Variants in MYO1B observed in about 807,000 individuals in gnomAD.
MYO1B encodes the protein myosin IB.
A neutral mutation model predicts 159.7 loss-of-function variants in MYO1B; 72 were observed. The ratio of observed to expected loss-of-function variants is 0.45; its 90% CI spans 0.37 to 0.55. The LOEUF (loss-of-function observed/expected upper bound fraction) is 0.55, where lower values mean the gene tolerates loss of function less well. Among genes scored for constraint, MYO1B ranks in the 20% least tolerant of loss-of-function variants. The pLI is 0.00. For missense variants in MYO1B, 1,062 were observed against 1,364.8 expected (o/e 0.78, Z 3.50); for synonymous variants, 468 against 473.8 (o/e 0.99, Z 0.16).
In MYO1B at chr2:191,301,051, C is replaced by T. The variant is rs73981551; in HGVS notation, c.251+4825C>T. Reference sequence around the variant, plus strand: ...ACTCCTCAGCTGGACTCCTCCTCTGCGGCTCCTTTCCTTCTCTGAACTGTC... The same window carrying T: ...ACTCCTCAGCTGGACTCCTCCTCTGTGGCTCCTTTCCTTCTCTGAACTGTC... On this transcript the variant is annotated intron_variant, in intron 3 of 30. Transcript: ENST00000392318. Among the ~76,000 whole-genome samples, 757 of 152,182 alleles carry T rather than the reference C, an allele frequency of 5.0e-3. 9 individuals carry two copies. The highest frequency in any genetic ancestry group is 0.017 in the African/African-American group (712 of 41,510).
intron 24 of MYO1B, among the ~76,000 whole-genome samples, chr2:191,405,345 A>C (rs1696854820): frequency 6.6e-6 from 1 of 152,204 alleles, no homozygotes; most frequent in Non-Finnish European, 1.5e-5. Context: ...GCCCCCTCCA[A>C]GTCATCCATG....
chr2:191,289,380 G>C (rs930064321), intron 2 of MYO1B, among the ~76,000 whole-genome samples: 2 of 152,122 alleles, frequency 1.3e-5, no homozygotes, highest in Admixed American at 1.3e-4. Context: ...TAATGTGGTC[G>C]TATCACTTAA....
At chr2:191,409,537 C>G (rs1307582194) in intron 26 of MYO1B, among the ~76,000 whole-genome samples, 1 of 152,224 alleles carries the variant, frequency 6.6e-6, no homozygotes, top group African/African-American at 2.4e-5. Flanking sequence ...TGGACACCTT[C>G]AGGCAACATA....
chr2:191,388,294 G>T (rs1695524956), intron 17 of MYO1B: 1 of 150,928 alleles, frequency 6.6e-6, no homozygotes, highest in Non-Finnish European at 1.5e-5. Context: ...AAAAAAAAAG[G>T]AAAAAGCCTT....
intron 4 of MYO1B, among the ~76,000 whole-genome samples, chr2:191,340,012 G>A (rs1448588087): frequency 6.6e-6 from 1 of 152,130 alleles, no homozygotes; most frequent in Non-Finnish European, 1.5e-5. Context: ...CTTGGAGGAG[G>A]CTCACCTGCC....
chr2:191,344,174 T>A (rs1559185271), intron 5 of MYO1B, among the ~76,000 whole-genome samples: 1 of 152,180 alleles, frequency 6.6e-6, no homozygotes. Flanking sequence ...TTGGCAGCCC[T>A]GCATGTTCAC....
At chr2:191,348,328 A>G (rs1692699777) in intron 6 of MYO1B, among the ~76,000 whole-genome samples, 1 of 152,132 alleles carries the variant, frequency 6.6e-6, no homozygotes, top group African/African-American at 2.4e-5. Flanking sequence ...CAGGCCTTCA[A>G]ACTGAGTTAA....
At chr2:191,289,691 C>T (rs984647339) in intron 2 of MYO1B, among the ~76,000 whole-genome samples, 1 of 152,168 alleles carries the variant, frequency 6.6e-6, no homozygotes, top group Non-Finnish European at 1.5e-5. Flanking sequence ...CATCAAAGTA[C>T]ATGATGGCAA....
intron 11 of MYO1B, among the ~76,000 whole-genome samples, chr2:191,367,723 T>A (rs1694095547): frequency 6.6e-6 from 1 of 152,102 alleles, no homozygotes; most frequent in Admixed American, 6.5e-5. Context: ...GTTTTGAAAT[T>A]ATGTGGTGTT....
At chr2:191,313,993 C>T (rs1690191563) in intron 3 of MYO1B, among the ~76,000 whole-genome samples, 1 of 152,148 alleles carries the variant, frequency 6.6e-6, no homozygotes, top group Non-Finnish European at 1.5e-5. Context: ...ATCACATGGT[C>T]TCTTGTCTGC....
At position 191,329,129 on chromosome 2, in the gene MYO1B, C is replaced by G. The variant is rs138214873; in HGVS notation, c.252-806C>G. On this transcript the variant is annotated intron_variant, in intron 3 of 30. Coordinates refer to ENST00000392318, the MANE Select transcript of MYO1B (RefSeq NM_001130158.3). ...AAATACATTGTCTTATTGTCAGAAT[C>G]ATTTTTTCAATTAGCTAGAAGGGGC... 3.1e-3 allele frequency among the ~76,000 whole-genome samples: 469 copies of G among 152,200 alleles called. 2 individuals carry two copies. The highest frequency in any genetic ancestry group is 8.2e-3 in the African/African-American group (339 of 41,532).
At chr2:191,393,340 A>G in intron 20 of MYO1B, 118 bp downstream of exon 20, 1 of 1,181,378 alleles carries the variant, frequency 8.5e-7, no homozygotes, top group Non-Finnish European at 1.2e-6. Flanking sequence ...CTCATGAGAT[A>G]ATGGATGTTC....
Position 191,355,568 on chromosome 2 carries a change from T to C in MYO1B, c.563-5063T>C, listed in dbSNP as rs575148164. Among the ~76,000 whole-genome samples the C allele has an allele frequency of 2.0e-5, 3 of 152,342 alleles. No individual in the cohort carries two copies. In the East Asian group the frequency reaches 5.8e-4, roughly 29 times the overall value. On this transcript the variant is annotated intron_variant, in intron 7 of 30. Coordinates refer to ENST00000392318, the MANE Select transcript of MYO1B (RefSeq NM_001130158.3). The stretch of plus-strand genomic sequence containing the variant: ...TAGTAGTCCTCTGGCACTTTGGTAG[T>C]GAGGCAGTGATTGACAACGCTAAGC...
rs565691317 is a variant in MYO1B at position 191,268,473 on chromosome 2, G to A, written c.-9-8414G>A. Among the ~76,000 whole-genome samples the A allele has an allele frequency of 2.5e-4, 38 of 152,314 alleles. No homozygotes were observed. The South Asian group carries it at 7.9e-3, about 32-fold the overall frequency. ...TCAACATAATAGATTTTGGGAGGACGCAAGCATTCAGTCCGTAAGATTTGG... is the reference window on the plus strand; with the variant it reads ...TCAACATAATAGATTTTGGGAGGACACAAGCATTCAGTCCGTAAGATTTGG... On this transcript the variant is annotated intron_variant, in intron 1 of 30. Coordinates refer to ENST00000392318, the MANE Select transcript of MYO1B (RefSeq NM_001130158.3).
chr2:191,276,853 C>G (rs184584959), intron 1 of MYO1B, 34 bp from the exon 2 acceptor site: 1 of 1,571,700 alleles, frequency 6.4e-7, no homozygotes, highest in Admixed American at 2.0e-5. Context: ...TTATTTTGCT[C>G]GTTTAAATTG....
At chr2:191,314,682 A>G (rs1690232183) in intron 3 of MYO1B, among the ~76,000 whole-genome samples, 1 of 152,228 alleles carries the variant, frequency 6.6e-6, no homozygotes, top group South Asian at 2.1e-4. Flanking sequence ...AAGAACTTAA[A>G]GTTGTGTTTA....
At chr2:191,399,621 T>C (rs1696479466) in intron 21 of MYO1B, among the ~76,000 whole-genome samples, 1 of 152,220 alleles carries the variant, frequency 6.6e-6, no homozygotes, top group Admixed American at 6.5e-5. Flanking sequence ...AGAGGGGTAG[T>C]GCCCAGGCCT....
chr2:191,256,749 G>C (rs1261451509), intron 1 of MYO1B, among the ~76,000 whole-genome samples: 1 of 152,160 alleles, frequency 6.6e-6, no homozygotes, highest in Non-Finnish European at 1.5e-5. Context: ...GCGGTCTCCA[G>C]TTGGTTTGCT....
At chr2:191,340,866 C>T (rs1692176765) in intron 4 of MYO1B, among the ~76,000 whole-genome samples, 1 of 151,964 alleles carries the variant, frequency 6.6e-6, no homozygotes, top group Non-Finnish European at 1.5e-5. Context: ...GTTGGGACTA[C>T]AGGCACGTGC....
Sources: gnomAD v4.1 joint callset for allele counts (sites outside exome capture counted in the v4.1 genomes callset) on GRCh38, gnomAD v4.1.1 for gene constraint, MANE v1.5 for transcripts, NCBI Gene and HGNC (gene_info 2026-07-23, HGNC 2026-07-21) for gene names.